The following PIK3C2A variants were observed in gnomAD, a reference collection of about 807,000 sequenced individuals.
PIK3C2A encodes the protein phosphatidylinositol 4-phosphate 3-kinase C2 domain-containing subunit alpha.
A neutral mutation model predicts 204.5 loss-of-function variants in PIK3C2A; 97 were observed. The observed-to-expected ratio is 0.47, with a 90% CI of 0.40 to 0.56. The LOEUF is 0.56. Ranked by LOEUF, PIK3C2A falls within the 20% of genes least tolerant of loss-of-function variation. The pLI, the probability that PIK3C2A is intolerant of heterozygous loss-of-function variation, is 0.00. For synonymous variants in PIK3C2A, 653 were observed against 664.4 expected, an observed-to-expected ratio of 0.98 and a Z score of 0.26; for missense variants, 1,735 against 1,969.2, an observed-to-expected ratio of 0.88 and a Z score of 2.25.
chr11:17,175,837 A>G (rs1385159034), intron 1 of PIK3C2A, among the ~76,000 whole-genome samples: 1 of 152,224 alleles, frequency 6.6e-6, no homozygotes, highest in Non-Finnish European at 1.5e-5. Context: ...AACAGAAAAA[A>G]GCAAGTTGGT....
intron 9 of PIK3C2A, 54 bp from the exon 10 acceptor site, chr11:17,135,213 A>T: frequency 6.4e-7 from 1 of 1,561,166 alleles, no homozygotes; most frequent in Non-Finnish European, 8.8e-7. Context: ...GACATAATAT[A>T]AAATGTCAAA....
rs148499488 is a variant in PIK3C2A, at chr11:17,091,654, C to T, written c.4645G>A (p.Ala1549Thr). ...CCTGGAGTAGGACTGAAGGAACCTG[C>T]ATCTGAAAATACAAATATTTTCATC... ...KAEGIARSAD[A>T]GSFSPTPGQI... The change falls in exon 31 of 33, where the codon GCA becomes ACA. Residue 1549 changes from alanine (A) to threonine (T), a missense_variant and splice_region_variant. Physicochemically the swap from Ala to Thr is moderately conservative, Grantham distance 58. Around this residue, in one of 6 missense-constraint regions of PIK3C2A, gnomAD observed 503 missense variants for 669.0 expected, o/e 0.75. Coordinates refer to ENST00000691414, the MANE Select transcript of PIK3C2A (RefSeq NM_002645.4). 1 of 1,560,638 alleles carries T rather than the reference C, an allele frequency of 6.4e-7. No homozygotes were observed. The highest frequency in any genetic ancestry group is 1.4e-5 in the African/African-American group (1 of 73,334).
intron 24 of PIK3C2A, among the ~76,000 whole-genome samples, chr11:17,101,813 C>G (rs553500239): frequency 6.6e-6 from 1 of 151,756 alleles, no homozygotes; most frequent in Non-Finnish European, 1.5e-5. Context: ...CCGTGTTAGC[C>G]AGGATGGTCT....
chr11:17,158,235 C>T (rs1168665108), intron 2 of PIK3C2A, among the ~76,000 whole-genome samples: 4 of 151,856 alleles, frequency 2.6e-5, no homozygotes, highest in Non-Finnish European at 5.9e-5. Flanking sequence ...GTAATCCCAG[C>T]TACTCGGGAG....
chr11:17,178,990 A>C (rs1008153069), intron 1 of PIK3C2A, among the ~76,000 whole-genome samples: 1 of 151,016 alleles, frequency 6.6e-6, no homozygotes, highest in Non-Finnish European at 1.5e-5. Flanking sequence ...CGGCCTCCCA[A>C]AGTGCTGGGA....
At chr11:17,153,505 T>C (rs1850485786) in intron 3 of PIK3C2A, among the ~76,000 whole-genome samples, 1 of 150,424 alleles carries the variant, frequency 6.6e-6, no homozygotes, top group South Asian at 2.1e-4. Context: ...TCAATTATGA[T>C]AGGTGTAAAA....
At chr11:17,103,653 T>C (rs906687223) in intron 23 of PIK3C2A, among the ~76,000 whole-genome samples, 3 of 152,112 alleles carry the variant, frequency 2.0e-5, no homozygotes, top group Non-Finnish European at 4.4e-5. Flanking sequence ...ATATTTAGAA[T>C]CTCACAACAA....
intron 9 of PIK3C2A, 152 bp from the exon 10 acceptor site, chr11:17,135,311 G>A: frequency 8.7e-5 from 66 of 757,056 alleles, no homozygotes; most frequent in South Asian, 2.4e-4. Context: ...CAAAAAGAAA[G>A]GGAAAACCAC....
Position 17,144,356 on chromosome 11 carries a change from T to C in PIK3C2A, c.1704+1312A>G, listed in dbSNP as rs555384684. ...CTATAATACATTTTACTATACTATA[T>C]TGAAGTTTTGTTTAAATCCCTCACC... On this transcript the variant is annotated intron_variant, in intron 8 of 32. Transcript: ENST00000691414. Among the ~76,000 whole-genome samples, 10 of 152,292 alleles carry C rather than the reference T, an allele frequency of 6.6e-5. No individual in the cohort carries two copies. In the East Asian group the frequency reaches 7.7e-4, roughly 12 times the overall value.
At chr11:17,113,907 C>T (rs1414125346) in intron 20 of PIK3C2A, among the ~76,000 whole-genome samples, 5 of 151,334 alleles carry the variant, frequency 3.3e-5, no homozygotes, top group African/African-American at 1.2e-4. Flanking sequence ...AAGTGAAACC[C>T]CATCTCTACT....
At chr11:17,102,939 C>T (rs940592093) in intron 23 of PIK3C2A, 108 bp from the exon 24 acceptor site, 1 of 683,174 alleles carries the variant, frequency 1.5e-6, no homozygotes, top group Non-Finnish European at 2.4e-6. Flanking sequence ...TATTGTAATC[C>T]ACTCTCTCAA....
intron 26 of PIK3C2A, among the ~76,000 whole-genome samples, chr11:17,099,461 C>T (rs371293230): frequency 8.5e-5 from 13 of 152,134 alleles, no homozygotes; most frequent in African/African-American, 2.4e-4. Context: ...GCAGGAGAAT[C>T]GCTTGAACCC....
At chr11:17,102,214 A>G (rs1309533489) in intron 24 of PIK3C2A, among the ~76,000 whole-genome samples, 3 of 152,144 alleles carry the variant, frequency 2.0e-5, no homozygotes, top group Admixed American at 2.0e-4. Flanking sequence ...AGGCGGGTAG[A>G]TCACTTGGTC....
chr11:17,189,620 T>A (rs1313428371), intron 1 of PIK3C2A, among the ~76,000 whole-genome samples: 3 of 128,478 alleles, frequency 2.3e-5, no homozygotes, highest in African/African-American at 1.4e-4. Context: ...CGTGTGACCA[T>A]CACTACTACC....
In PIK3C2A at chr11:17,117,622, G is replaced by A; in HGVS notation, c.3085C>T (p.His1029Tyr). Residue 1029 changes from histidine (H) to tyrosine (Y), a missense_variant, in exon 19 of 33, where the codon CAT becomes TAT. By Grantham distance (83) the His-to-Tyr change is moderately conservative (BLOSUM62 2). Coordinates refer to ENST00000691414, the MANE Select transcript of PIK3C2A (RefSeq NM_002645.4). Reference sequence around the variant, plus strand: ...ACTGACAGGAGAGCACCCAAAACATGTTCGTATCGGGTACTAAACTGTACA... The same window carrying A: ...ACTGACAGGAGAGCACCCAAAACATATTCGTATCGGGTACTAAACTGTACA... ...HDVQFSTRYE[H>Y]VLGALLSVGG... 1.2e-6 allele frequency: 2 copies of A among 1,604,656 alleles called. No homozygotes were observed. Among genetic ancestry groups the A allele is most frequent in the Non-Finnish European group, 8.5e-7 (1 of 1,174,658 alleles).
At chr11:17,090,393 G>C (rs1274207743) in intron 32 of PIK3C2A, among the ~76,000 whole-genome samples, 1 of 152,146 alleles carries the variant, frequency 6.6e-6, no homozygotes, top group African/African-American at 2.4e-5. Flanking sequence ...CTTGAACTCA[G>C]GAGGCGGAGG....
In PIK3C2A at chr11:17,087,819, A is replaced by G. The variant is rs182072936; in HGVS notation, c.*1919T>C. On this transcript the variant is annotated 3_prime_UTR_variant, in exon 33 of 33. Transcript: ENST00000691414. Reference sequence around the variant, plus strand: ...TGCTTTGATCTGCATTTTAATTAACATTAAATAGACAACACATTTTAACAT... The same window carrying G: ...TGCTTTGATCTGCATTTTAATTAACGTTAAATAGACAACACATTTTAACAT... The G allele has an allele frequency of 3.6e-5, 1 of 27,672 alleles. No individual in the cohort carries two copies. Among genetic ancestry groups the G allele is most frequent in the Non-Finnish European group, 6.7e-5 (1 of 14,858 alleles). 1.7% of individuals were successfully genotyped at this position (27,672 alleles called of 1,614,324 possible).
intron 24 of PIK3C2A, 46 bp from the exon 25 acceptor site, chr11:17,101,480 C>T (rs367745672): frequency 1.8e-6 from 2 of 1,101,066 alleles, no homozygotes; most frequent in Non-Finnish European, 2.5e-6. Context: ...ACAGAAGATA[C>T]TCCAATAGTG....
At chr11:17,100,441 C>T (rs1026586951) in intron 25 of PIK3C2A, among the ~76,000 whole-genome samples, 17 of 151,936 alleles carry the variant, frequency 1.1e-4, no homozygotes, top group Non-Finnish European at 2.2e-4. Context: ...AGGCTGGTCT[C>T]GAACTCCTGA....
Sources: allele counts gnomAD v4.1 joint callset (sites outside exome capture counted in the v4.1 genomes callset), GRCh38; gene constraint gnomAD v4.1.1; regional missense constraint gnomAD v4.1.1; transcripts MANE v1.5; gene names NCBI Gene and HGNC (gene_info 2026-07-23, HGNC 2026-07-21).